Variants in ANK3 observed in about 807,000 individuals in gnomAD.
ANK3 encodes the protein ankyrin 3.
A neutral mutation model predicts 370.9 loss-of-function variants in ANK3; 57 were observed. That is an observed-to-expected ratio of 0.15 (90% CI 0.12 to 0.19). The LOEUF is 0.19. ANK3 is among the 10% of genes least tolerant of loss of function. The pLI is 1.00. For missense variants in ANK3, 4,439 were observed against 5,302.1 expected (o/e 0.84, Z 5.06); for synonymous variants, 1,929 against 1,946.3 (o/e 0.99, Z 0.23).
At chr10:60,288,919 C>T (rs559785618) in intron 1 of ANK3, among the ~76,000 whole-genome samples, 1 of 151,886 alleles carries the variant, frequency 6.6e-6, no homozygotes, top group Admixed American at 6.6e-5. Context: ...CACACACACA[C>T]ACACACACGT....
chr10:60,644,551 G>A (rs1233605197), intron 1 of ANK3, among the ~76,000 whole-genome samples: 1 of 151,790 alleles, frequency 6.6e-6, no homozygotes, highest in Non-Finnish European at 1.5e-5. Flanking sequence ...GAAAAAAAAT[G>A]CAGCAAAGAG....
intron 2 of ANK3, among the ~76,000 whole-genome samples, chr10:60,439,916 A>C (rs1595038618): frequency 6.6e-6 from 1 of 152,170 alleles, no homozygotes; most frequent in Non-Finnish European, 1.5e-5. Flanking sequence ...GTCAAAACCT[A>C]AACCAAGTGT....
chr10:60,484,049 C>T (rs933599058), intron 2 of ANK3, among the ~76,000 whole-genome samples: 4 of 152,166 alleles, frequency 2.6e-5, no homozygotes, highest in Admixed American at 2.6e-4. Context: ...CATTTCCCTC[C>T]TTATTAAACT....
chr10:60,328,322 G>A (rs2050373485), intron 1 of ANK3, among the ~76,000 whole-genome samples: 1 of 152,186 alleles, frequency 6.6e-6, no homozygotes, highest in African/African-American at 2.4e-5. Flanking sequence ...CAAAGACAGA[G>A]TTAAAAGTGT....
intron 2 of ANK3, among the ~76,000 whole-genome samples, chr10:60,545,566 T>G (rs1489299030): frequency 6.6e-6 from 1 of 152,070 alleles, no homozygotes; most frequent in Non-Finnish European, 1.5e-5. Flanking sequence ...CCTGCAAGTA[T>G]GATGGCAAGA....
In ANK3 at chr10:60,076,377, G is replaced by A. The variant is rs142748584; in HGVS notation, c.4504C>T (p.Pro1502Ser). The A allele has an allele frequency of 1.1e-5, 17 of 1,614,018 alleles. No homozygotes were observed. The African/African-American group carries it at 2.0e-4, about 19-fold the overall frequency. The change falls in exon 37 of 44, where the codon CCA becomes TCA. Residue 1502 changes from proline (P) to serine (S), a missense_variant. Coordinates refer to ENST00000280772, the MANE Select transcript of ANK3 (RefSeq NM_020987.5). ...YSYKPFFSTR[P>S]YQSWTTAPIT... ...GGAGCTGTTGTCCAGGACTGGTATG[G>A]TCTTGTAGAAAAGAATGGCTTGTAT...
chr10:60,728,825 T>C (rs1435538300), intron 1 of ANK3, among the ~76,000 whole-genome samples: 3 of 152,194 alleles, frequency 2.0e-5, no homozygotes, highest in African/African-American at 7.2e-5. Flanking sequence ...TTGTATAGTC[T>C]TCCTGAAGGT....
At chr10:60,397,778 G>A (rs2063273222) in intron 2 of ANK3, among the ~76,000 whole-genome samples, 1 of 152,136 alleles carries the variant, frequency 6.6e-6, no homozygotes, top group South Asian at 2.1e-4. Flanking sequence ...TCACAAGAAC[G>A]ATTAAAGTTT....
chr10:60,093,171 T>C (rs1182112491), intron 28 of ANK3, among the ~76,000 whole-genome samples: 2 of 152,196 alleles, frequency 1.3e-5, no homozygotes, highest in Non-Finnish European at 2.9e-5. Flanking sequence ...AGAAAGCAAA[T>C]ATATTTCCCT....
chr10:60,469,654 T>TATA (rs2065161475), intron 2 of ANK3, among the ~76,000 whole-genome samples: 1 of 7,514 alleles, frequency 1.3e-4, no homozygotes, highest in Non-Finnish European at 2.5e-4. Flanking sequence ...TATATATATA[T>TATA]GGTGGTATAT....
Position 60,075,826 on chromosome 10 carries a change from T to C in ANK3, c.5055A>G (p.Ala1685=). ...LKSVVSPVKS[A]VDVISSAKIT... Reference sequence around the variant, plus strand: ...TTTTGGCTGATGAAATGACATCAACTGCTGATTTAACTGGAGACACCACTG... The same window carrying C: ...TTTTGGCTGATGAAATGACATCAACCGCTGATTTAACTGGAGACACCACTG... The change falls in exon 37 of 44, where the codon GCA becomes GCG. Residue 1685 remains alanine, a synonymous_variant. Coordinates refer to ENST00000280772, the MANE Select transcript of ANK3 (RefSeq NM_020987.5). 6.2e-7 allele frequency: 1 copy of C among 1,614,044 alleles called. No individual in the cohort carries two copies. Among genetic ancestry groups the C allele is most frequent in the Non-Finnish European group, 8.5e-7 (1 of 1,179,880 alleles).
intron 2 of ANK3, among the ~76,000 whole-genome samples, chr10:60,542,152 C>G (rs2076863392): frequency 6.6e-6 from 1 of 151,578 alleles, no homozygotes; most frequent in African/African-American, 2.4e-5. Flanking sequence ...TCTTTTTAAT[C>G]CTTTTATCTC....
At chr10:60,172,543 T>G in intron 20 of ANK3, 140 bp from the exon 21 acceptor site, 1 of 707,262 alleles carries the variant, frequency 1.4e-6, no homozygotes, top group Non-Finnish European at 2.4e-6. Context: ...AGACATACCT[T>G]GCACAAAACC....
intron 8 of ANK3, among the ~76,000 whole-genome samples, chr10:60,226,466 C>A (rs1208572632): frequency 9.8e-6 from 1 of 102,114 alleles, no homozygotes; most frequent in African/African-American, 4.0e-5. Flanking sequence ...AGTATATATA[C>A]ATAGTATATA....
chr10:60,187,133 T>A (rs149383792), intron 16 of ANK3, among the ~76,000 whole-genome samples: 5 of 116,018 alleles, frequency 4.3e-5, no homozygotes, highest in African/African-American at 1.7e-4. Context: ...ATGGACATTT[T>A]ATTTATTTTA....
chr10:60,088,777 T>C (rs2132029050), intron 28 of ANK3, among the ~76,000 whole-genome samples: 1 of 152,344 alleles, frequency 6.6e-6, no homozygotes. Flanking sequence ...CTAAACAGTT[T>C]TTATGATAAA....
Position 60,485,107 on chromosome 10 carries a change from C to T in ANK3, c.96+130079G>A, listed in dbSNP as rs183257424. 2.6e-5 allele frequency among the ~76,000 whole-genome samples: 4 copies of T among 152,222 alleles called. No individual in the cohort carries two copies. In the East Asian group the frequency reaches 7.7e-4, roughly 29 times the overall value. The stretch of plus-strand genomic sequence containing the variant: ...GAATTAGGACACCCAGGTAATAGCA[C>T]CAGAAAAACCTCTTGCTAACTCAAG... On this transcript the variant is annotated intron_variant, in intron 2 of 43. Coordinates refer to the ANK3 transcript ENST00000373827.
At chr10:60,219,574 C>T (rs2097004395) in intron 8 of ANK3, among the ~76,000 whole-genome samples, 1 of 152,162 alleles carries the variant, frequency 6.6e-6, no homozygotes, top group Non-Finnish European at 1.5e-5. Flanking sequence ...GGAAGGGAGA[C>T]TCTGCAGGAA....
At chr10:60,694,092 T>A (rs374255468) in intron 1 of ANK3, among the ~76,000 whole-genome samples, 1 of 151,758 alleles carries the variant, frequency 6.6e-6, no homozygotes, top group African/African-American at 2.4e-5. Flanking sequence ...TCGAGAACTA[T>A]GTGAAGAATG....
Sources: gnomAD v4.1 joint callset for allele counts (sites outside exome capture counted in the v4.1 genomes callset) on GRCh38, gnomAD v4.1.1 for gene constraint, MANE v1.5 for transcripts, NCBI Gene and HGNC (gene_info 2026-07-23, HGNC 2026-07-21) for gene names.